Variants in KIAA0753 observed in about 807,000 individuals in gnomAD.
KIAA0753 encodes the protein KIAA0753, also known as protein moonraker.
A neutral mutation model predicts 116.9 loss-of-function variants in KIAA0753; 114 were observed. The ratio of observed to expected loss-of-function variants is 0.98; its 90% CI spans 0.84 to 1.14. The LOEUF (loss-of-function observed/expected upper bound fraction) is 1.14, where lower values mean the gene tolerates loss of function less well. Among genes scored for constraint, KIAA0753 ranks in the 50% most tolerant of loss-of-function variants. The probability of loss-of-function intolerance (pLI) is 0.00; values close to 1 mark genes in which losing one functional copy is unlikely to be tolerated. For missense variants in KIAA0753, 1,156 were observed against 1,172.4 expected (o/e 0.99, Z 0.20); for synonymous variants, 405 against 413.1 (o/e 0.98, Z 0.24).
At chr17:6,600,825 T>G (rs140261744) in intron 12 of KIAA0753, 3,176 of 173,426 alleles carry the variant, frequency 0.018, 101 homozygotes, top group African/African-American at 0.07. Flanking sequence ...AAGAAACTAA[T>G]TTTGTTCCCT....
intron 18 of KIAA0753, among the ~76,000 whole-genome samples, chr17:6,587,852 C>A (rs983385143): frequency 2.6e-5 from 4 of 152,180 alleles, no homozygotes; most frequent in African/African-American, 9.7e-5. Context: ...AAAAGAGACA[C>A]ACGTGAGTGA....
chr17:6,607,224 C>T lies in KIAA0753; in HGVS notation c.1876G>A (p.Glu626Lys). 1 of 1,613,910 alleles carries T rather than the reference C, an allele frequency of 6.2e-7. No individual in the cohort carries two copies. Reference protein sequence around the residue: ...AETSKRLKELEELKAKEIDSM... With the variant: ...AETSKRLKELKELKAKEIDSM... ...TCAATTTCCTTGGCTTTTAACTCTT[C>T]TAGTTCCTTCAATCTTTTGGAAGTT... The change falls in exon 11 of 19, where the codon GAA (glutamate) becomes AAA (lysine). Residue 626 changes from glutamate (E) to lysine (K), a missense_variant. Physicochemically the swap from Glu to Lys is moderately conservative, Grantham distance 56. Coordinates refer to ENST00000361413, the MANE Select transcript of KIAA0753 (RefSeq NM_014804.3).
intron 18 of KIAA0753, among the ~76,000 whole-genome samples, chr17:6,587,625 C>T (rs1391498447): frequency 6.6e-6 from 1 of 152,228 alleles, no homozygotes; most frequent in Non-Finnish European, 1.5e-5. Context: ...TACTTCTTCT[C>T]TTCTCCCAGA....
At chr17:6,587,168 G>T (rs1178136330) in intron 18 of KIAA0753, among the ~76,000 whole-genome samples, 2 of 152,048 alleles carry the variant, frequency 1.3e-5, no homozygotes, top group South Asian at 2.1e-4. Context: ...GGAGGCGGAG[G>T]TTGCAGTGAG....
intron 13 of KIAA0753, among the ~76,000 whole-genome samples, chr17:6,599,799 C>T (rs1158267626): frequency 6.6e-6 from 1 of 152,168 alleles, no homozygotes; most frequent in Non-Finnish European, 1.5e-5. Flanking sequence ...GAATGTCATT[C>T]ATTCCATTTA....
intron 3 of KIAA0753, among the ~76,000 whole-genome samples, chr17:6,626,995 A>G (rs1971710892): frequency 6.6e-6 from 1 of 152,250 alleles, no homozygotes; most frequent in East Asian, 1.9e-4. Flanking sequence ...GAAACAAGCC[A>G]CAACATTTCT....
intron 5 of KIAA0753, 68 bp downstream of exon 5, chr17:6,623,441 A>T (rs1971458500): frequency 1.5e-6 from 2 of 1,333,606 alleles, no homozygotes; most frequent in South Asian, 2.5e-5. Flanking sequence ...GGCCCTACAC[A>T]ATACTAACAA....
chr17:6,627,596 TATG>T (rs1971752059), intron 3 of KIAA0753, among the ~76,000 whole-genome samples: 1 of 152,130 alleles, frequency 6.6e-6, no homozygotes, highest in South Asian at 2.1e-4. Context: ...GAAAACCATA[TATG>T]ATGATTAAAT....
chr17:6,612,060 T>C lies in KIAA0753; in HGVS notation c.1404A>G (p.Glu468=). The C allele has an allele frequency of 6.2e-7, 1 of 1,614,232 alleles. No homozygotes were observed. Among genetic ancestry groups the C allele is most frequent in the Non-Finnish European group, 8.5e-7 (1 of 1,180,024 alleles). ...CACTTTGGTCTAGAATAAATGGTCC[T>C]TCTTCCAGAACTATATCCGCATCTA... ...DVLDADIVLE[E]GPFILDQSAS... Residue 468 remains glutamate, a synonymous_variant, in exon 8 of 19, where the codon GAA becomes GAG. Coordinates refer to ENST00000361413, the MANE Select transcript of KIAA0753 (RefSeq NM_014804.3).
In KIAA0753 at chr17:6,629,808, C is replaced by T. The variant is rs188385233; in HGVS notation, c.94-1067G>A. ...GTGACAAAACTTCAGGGAAGTATTT[C>T]GGATTTTTAAAAAGTAGTTAGAAAG... is the stretch of plus-strand genomic sequence containing the variant. On this transcript the variant is annotated intron_variant, in intron 2 of 18. Transcript: ENST00000361413. Among the ~76,000 whole-genome samples, 24 of 152,068 alleles carry T rather than the reference C, an allele frequency of 1.6e-4. No homozygotes were observed. In the East Asian group the frequency reaches 4.0e-3, roughly 26 times the overall value.
intron 7 of KIAA0753, among the ~76,000 whole-genome samples, chr17:6,614,191 A>G (rs920257254): frequency 6.6e-6 from 1 of 152,246 alleles, no homozygotes; most frequent in Non-Finnish European, 1.5e-5. Flanking sequence ...CTCACAGACT[A>G]TTAGCAACTT....
At position 6,623,069 on chromosome 17, in the gene KIAA0753, G is replaced by A; in HGVS notation, c.917C>T (p.Ala306Val). The part of the protein sequence containing the change: ...KSWAMSKLAA[A>V]HRGAIRALQM... ...TAAGGCCCGAATGGCTCCTCGATGGGCAGCCGCCAGCTTAGACATTGCCCA... is the reference window on the plus strand; with the variant it reads ...TAAGGCCCGAATGGCTCCTCGATGGACAGCCGCCAGCTTAGACATTGCCCA... Residue 306 changes from alanine to valine, a missense_variant, in exon 6 of 19, where the codon GCC becomes GTC. Ala to Val is a moderately conservative substitution (Grantham distance 64). Coordinates refer to ENST00000361413, the MANE Select transcript of KIAA0753 (RefSeq NM_014804.3). 1 of 1,613,632 alleles carries A rather than the reference G, an allele frequency of 6.2e-7. No homozygotes were observed. Among genetic ancestry groups the A allele is most frequent in the Non-Finnish European group, 8.5e-7 (1 of 1,179,952 alleles).
At chr17:6,637,170 G>C (rs920844057) in intron 1 of KIAA0753, 2 of 152,434 alleles carry the variant, frequency 1.3e-5, no homozygotes, top group African/African-American at 4.8e-5. Context: ...TCAGACCTGA[G>C]ACACCCACGT....
intron 13 of KIAA0753, 144 bp from the exon 14 acceptor site, chr17:6,599,464 T>G (rs1969703950): frequency 1.6e-6 from 1 of 613,232 alleles, no homozygotes; most frequent in East Asian, 2.8e-5. Flanking sequence ...TTCAAAGCAC[T>G]TTGTCTTCAT....
chr17:6,612,897 C>T (rs778624716), intron 7 of KIAA0753, among the ~76,000 whole-genome samples: 3 of 151,716 alleles, frequency 2.0e-5, no homozygotes, highest in Non-Finnish European at 4.4e-5. Context: ...TACATACATA[C>T]ATAAATAAAT....
In KIAA0753 at chr17:6,628,128, A is replaced by T; in HGVS notation, c.707T>A (p.Val236Glu). 1 of 1,605,344 alleles carries T rather than the reference A, an allele frequency of 6.2e-7. No individual in the cohort carries two copies. Among genetic ancestry groups the T allele is most frequent in the Middle Eastern group, 1.7e-4 (1 of 5,994 alleles). Reference sequence around the variant, plus strand: ...CTAATTTTTCTCACCTTTTTTAGTTACCTCTTCAATTTTGTGGATACAACT... The same window carrying T: ...CTAATTTTTCTCACCTTTTTTAGTTTCCTCTTCAATTTTGTGGATACAACT... ...LSSCIHKIEEVTKKDRLEEAL... is the reference protein window; with the variant it reads ...LSSCIHKIEEETKKDRLEEAL... Residue 236 changes from valine to glutamate, a missense_variant, in exon 3 of 19, where the codon GTA becomes GAA. Physicochemically the swap from Val to Glu is moderately radical, Grantham distance 121 (BLOSUM62 -2). Transcript: ENST00000361413.
rs980878210 is a variant in KIAA0753, at chr17:6,628,878, G to C, written c.94-137C>G. The C allele has an allele frequency of 7.7e-6, 6 of 776,996 alleles. No homozygotes were observed. In the African/African-American group the frequency reaches 1.1e-4, roughly 14 times the overall value. The allele number at this position is 776,996 out of a possible 1,614,324, so 48.1% of individuals were successfully genotyped here. On this transcript the variant is annotated intron_variant, in intron 2 of 18. Coordinates refer to ENST00000361413, the MANE Select transcript of KIAA0753 (RefSeq NM_014804.3). Reference sequence around the variant, plus strand: ...GAGGCATTTTTCTGTTTTACTGATAGACACAGCCACGCTCCTACACCCTTG... The same window carrying C: ...GAGGCATTTTTCTGTTTTACTGATACACACAGCCACGCTCCTACACCCTTG...
chr17:6,609,824 G>A (rs572833104), intron 9 of KIAA0753, among the ~76,000 whole-genome samples, 170 bp downstream of exon 9: 1 of 152,240 alleles, frequency 6.6e-6, no homozygotes, highest in South Asian at 2.1e-4. Context: ...GAACCAACAA[G>A]CTTCCAGACA....
At chr17:6,614,096 G>A (rs1001522229) in intron 7 of KIAA0753, among the ~76,000 whole-genome samples, 1 of 152,168 alleles carries the variant, frequency 6.6e-6, no homozygotes, top group African/African-American at 2.4e-5. Context: ...AATATGAAAA[G>A]ATGATTGACT....
Sources: gnomAD v4.1 joint callset for allele counts (sites outside exome capture counted in the v4.1 genomes callset) on GRCh38, gnomAD v4.1.1 for gene constraint, MANE v1.5 for transcripts, NCBI Gene and HGNC (gene_info 2026-07-23, HGNC 2026-07-21) for gene names.